Variants in DDR2 observed in about 807,000 individuals in gnomAD.
The protein encoded by DDR2 is discoidin domain-containing receptor 2.
In DDR2, 27 loss-of-function variants were observed where a neutral mutation model predicts 94.9. The ratio of observed to expected loss-of-function variants is 0.28; its 90% CI spans 0.21 to 0.39. The LOEUF is 0.39. DDR2 is among the 10% of genes least tolerant of loss of function. The probability of loss-of-function intolerance (pLI) is 1.00; values close to 1 mark genes in which losing one functional copy is unlikely to be tolerated. For missense variants in DDR2, 783 were observed against 1,076.0 expected (o/e 0.73, Z 3.81); for synonymous variants, 382 against 377.2 (o/e 1.01, Z -0.15).
At chr1:162,752,687 T>G (rs1478630471) in intron 3 of DDR2, among the ~76,000 whole-genome samples, 1 of 152,192 alleles carries the variant, frequency 6.6e-6, no homozygotes, top group Admixed American at 6.5e-5. Context: ...AAAATAATTC[T>G]TTGGGTCATA....
At chr1:162,718,974 T>TACA in intron 2 of DDR2, 63 bp from the exon 3 acceptor site, 1 of 1,498,294 alleles carries the variant, frequency 6.7e-7, no homozygotes, top group South Asian at 1.1e-5. Flanking sequence ...ATGTTGGCAG[T>TACA]ATCTGCCTCA....
intron 2 of DDR2, among the ~76,000 whole-genome samples, chr1:162,664,696 G>A (rs61811285): frequency 0.087 from 13,219 of 152,140 alleles, 628 homozygotes; most frequent in African/African-American, 0.11. Flanking sequence ...TTTAGGTTAC[G>A]GAATTATGGG....
chr1:162,631,114 G>A (rs1463009017), upstream of DDR2, among the ~76,000 whole-genome samples: 3 of 151,856 alleles, frequency 2.0e-5, no homozygotes, highest in African/African-American at 7.3e-5. Flanking sequence ...GACTGGTGCT[G>A]AGCTTATGAG....
chr1:162,769,930 A>G (rs544616720), intron 11 of DDR2, among the ~76,000 whole-genome samples: 20 of 152,220 alleles, frequency 1.3e-4, no homozygotes, highest in Non-Finnish European at 2.6e-4. Context: ...TCCAAAACCA[A>G]GTAGTTAAAG....
At chr1:162,653,742 T>C (rs1657820896) in intron 1 of DDR2, among the ~76,000 whole-genome samples, 1 of 152,184 alleles carries the variant, frequency 6.6e-6, no homozygotes, top group Admixed American at 6.5e-5. Flanking sequence ...TAAGTTTTTC[T>C]GGAGCAGTGA....
intron 9 of DDR2, among the ~76,000 whole-genome samples, 161 bp downstream of exon 9, chr1:162,761,615 T>C (rs983447848): frequency 4.6e-5 from 7 of 152,162 alleles, no homozygotes; most frequent in African/African-American, 1.7e-4. Context: ...TAGTTTTAAC[T>C]GTGGAGGGGA....
intron 1 of DDR2, among the ~76,000 whole-genome samples, chr1:162,652,182 T>C (rs1407478120): frequency 6.6e-6 from 1 of 152,218 alleles, no homozygotes; most frequent in Admixed American, 6.5e-5. Context: ...TAATTGCAGG[T>C]GCTGGTTCTA....
intron 2 of DDR2, among the ~76,000 whole-genome samples, chr1:162,686,902 CA>C: frequency 6.6e-6 from 1 of 152,298 alleles, no homozygotes; most frequent in Non-Finnish European, 1.5e-5. Context: ...TTGTTGACGA[CA>C]AAAAGTTGTT....
chr1:162,767,113 C>A, intron 10 of DDR2, 116 bp from the exon 11 acceptor site: 1 of 1,461,280 alleles, frequency 6.8e-7, no homozygotes, highest in Non-Finnish European at 9.5e-7. Flanking sequence ...AAGGTGGCAT[C>A]TTCCATAATT....
At chr1:162,682,109 C>A (rs753754278) in intron 2 of DDR2, among the ~76,000 whole-genome samples, 1 of 152,014 alleles carries the variant, frequency 6.6e-6, no homozygotes, top group African/African-American at 2.4e-5. Flanking sequence ...CCTGCCCGGG[C>A]TCCTCCCACC....
At chr1:162,773,348 G>A (rs1340618429) in intron 13 of DDR2, 121 bp from the exon 14 acceptor site, 4 of 1,299,826 alleles carry the variant, frequency 3.1e-6, no homozygotes, top group Non-Finnish European at 4.4e-6. Flanking sequence ...TCTTCTTATT[G>A]GTCTTTTGAT....
At chr1:162,688,018 T>C (rs1375430562) in intron 2 of DDR2, among the ~76,000 whole-genome samples, 1 of 152,230 alleles carries the variant, frequency 6.6e-6, no homozygotes, top group African/African-American at 2.4e-5. Context: ...CAAAGGTGAC[T>C]GTTTTGGAAA....
chr1:162,676,262 G>A (rs1468244356), intron 2 of DDR2, among the ~76,000 whole-genome samples: 1 of 151,910 alleles, frequency 6.6e-6, no homozygotes, highest in Non-Finnish European at 1.5e-5. Context: ...AGCAGAAATG[G>A]GCAGAACAGC....
At chr1:162,724,694 AG>A (rs1558047510) in intron 3 of DDR2, among the ~76,000 whole-genome samples, 4 of 152,134 alleles carry the variant, frequency 2.6e-5, no homozygotes, top group African/African-American at 9.7e-5. Context: ...GTTAACGAGA[AG>A]GTGATGCTAG....
intron 1 of DDR2, among the ~76,000 whole-genome samples, chr1:162,637,469 T>G (rs1161081916): frequency 6.6e-6 from 1 of 152,160 alleles, no homozygotes; most frequent in Non-Finnish European, 1.5e-5. Context: ...TCTCATGAAT[T>G]CCTTCTACCC....
chr1:162,679,596 A>G (rs1403352064), intron 2 of DDR2, among the ~76,000 whole-genome samples: 1 of 152,198 alleles, frequency 6.6e-6, no homozygotes, highest in Non-Finnish European at 1.5e-5. Context: ...TATTGTGGAT[A>G]GTGCTGCAAT....
chr1:162,684,027 C>T (rs1359225067), intron 2 of DDR2, among the ~76,000 whole-genome samples: 2 of 152,084 alleles, frequency 1.3e-5, no homozygotes, highest in African/African-American at 4.8e-5. Context: ...GTGGTATTGA[C>T]AGAAGTACAG....
At chr1:162,761,099 GT>G in intron 8 of DDR2, 111 bp from the exon 9 acceptor site, 1 of 1,493,178 alleles carries the variant, frequency 6.7e-7, no homozygotes, top group East Asian at 2.3e-5. Context: ...TCTTACCTCA[GT>G]TCAGAATAGC....
At chr1:162,647,727 G>A (rs1014197211) in intron 1 of DDR2, among the ~76,000 whole-genome samples, 1 of 152,304 alleles carries the variant, frequency 6.6e-6, no homozygotes, top group Admixed American at 6.5e-5. Flanking sequence ...TATAGCGCTG[G>A]TGGGAATGTC....
Sources: allele counts gnomAD v4.1 joint callset (sites outside exome capture counted in the v4.1 genomes callset), GRCh38; gene constraint gnomAD v4.1.1; transcripts MANE v1.5; gene names NCBI Gene and HGNC (gene_info 2026-07-23, HGNC 2026-07-21).